Variants in PPP4R3B observed in about 807,000 individuals in gnomAD.
The protein encoded by PPP4R3B is serine/threonine-protein phosphatase 4 regulatory subunit 3B.
A neutral mutation model predicts 95.4 loss-of-function variants in PPP4R3B; 52 were observed. The observed-to-expected ratio is 0.54, with a 90% confidence interval of 0.44 to 0.69. PPP4R3B has a LOEUF of 0.69. PPP4R3B is among the 30% of genes least tolerant of loss of function. The pLI is 0.00. For missense variants in PPP4R3B, 1,003 were observed against 1,005.9 expected (o/e 1.00, Z 0.04); for synonymous variants, 407 against 343.9 (o/e 1.18, Z -2.03).
In PPP4R3B at chr2:55,551,610, G is replaced by A. The variant is rs1310274917; in HGVS notation, c.2455-1604C>T. 2.0e-5 allele frequency among the ~76,000 whole-genome samples: 3 copies of A among 152,046 alleles called. No homozygotes were observed. In the East Asian group the frequency reaches 5.8e-4, roughly 29 times the overall value. On this transcript the variant is annotated intron_variant, in intron 16 of 16. Transcript: ENST00000616407. ...TACTAAAAATAAAAAAATTAGCCAGGAGTGGTGGCGCATGCCTGTAATCCC... is the reference window on the plus strand; with the variant it reads ...TACTAAAAATAAAAAAATTAGCCAGAAGTGGTGGCGCATGCCTGTAATCCC...
chr2:55,551,668 T>C (rs1023708948), intron 16 of PPP4R3B, among the ~76,000 whole-genome samples: 1 of 151,428 alleles, frequency 6.6e-6, no homozygotes, highest in African/African-American at 2.4e-5. Flanking sequence ...GGAGAATTGC[T>C]TGAACCCGGG....
At position 55,597,419 on chromosome 2, in the gene PPP4R3B, G is replaced by A. The variant is rs573874155; in HGVS notation, c.921+997C>T. 4.0e-3 allele frequency among the ~76,000 whole-genome samples: 603 copies of A among 152,084 alleles called. 3 individuals are homozygous for A. The highest frequency in any genetic ancestry group is 6.2e-3 in the Non-Finnish European group (422 of 67,964). On this transcript the variant is annotated intron_variant, in intron 4 of 16. Transcript: ENST00000616407. ...GGGTGGATCACAAGGTCAGGAGATC[G>A]AGACCATCCTGGCTAAAATGGTGAA...
chr2:55,584,974 T>C (rs770842941), intron 7 of PPP4R3B, 77 bp downstream of exon 7: 9 of 1,073,570 alleles, frequency 8.4e-6, no homozygotes, highest in African/African-American at 4.9e-5. Flanking sequence ...GATTATGTTA[T>C]GTTTTTTCTC....
At chr2:55,555,519 GC>G (rs1003768349) in intron 16 of PPP4R3B, among the ~76,000 whole-genome samples, 2 of 151,860 alleles carry the variant, frequency 1.3e-5, no homozygotes, top group Admixed American at 1.3e-4. Context: ...TTCCTGACGA[GC>G]CTGGCCAACA....
At chr2:55,575,976 A>G (rs562204189) in intron 11 of PPP4R3B, among the ~76,000 whole-genome samples, 1 of 152,348 alleles carries the variant, frequency 6.6e-6, no homozygotes, top group African/African-American at 2.4e-5. Flanking sequence ...ATGCAAGTAA[A>G]GAGTTTCACT....
At chr2:55,588,500 C>T (rs369936736) in intron 5 of PPP4R3B, among the ~76,000 whole-genome samples, 5 of 139,104 alleles carry the variant, frequency 3.6e-5, no homozygotes, top group African/African-American at 5.3e-5. Flanking sequence ...GCAACAAGAG[C>T]GAAACTCCAT....
At chr2:55,563,018 T>C (rs1261965507) in intron 15 of PPP4R3B, among the ~76,000 whole-genome samples, 1 of 152,240 alleles carries the variant, frequency 6.6e-6, no homozygotes, top group Non-Finnish European at 1.5e-5. Flanking sequence ...CTGGTTATTA[T>C]TTTTATATAT....
At chr2:55,553,925 T>A (rs1418226946) in intron 16 of PPP4R3B, among the ~76,000 whole-genome samples, 1 of 152,164 alleles carries the variant, frequency 6.6e-6, no homozygotes, top group Admixed American at 6.5e-5. Flanking sequence ...ATATACAAGT[T>A]TTACAGTGGA....
At chr2:55,588,111 G>A (rs553590543) in intron 5 of PPP4R3B, among the ~76,000 whole-genome samples, 7 of 151,996 alleles carry the variant, frequency 4.6e-5, no homozygotes, top group African/African-American at 1.4e-4. Context: ...CCTCAAAATG[G>A]TTTATATCTC....
At chr2:55,615,182 A>G in intron 2 of PPP4R3B, 1 of 369,052 alleles carries the variant, frequency 2.7e-6, no homozygotes, top group East Asian at 6.7e-5. Context: ...TGTACAAGGT[A>G]TAGAAGAGAC....
At chr2:55,563,076 T>C (rs1462587951) in intron 15 of PPP4R3B, among the ~76,000 whole-genome samples, 3 of 152,220 alleles carry the variant, frequency 2.0e-5, no homozygotes, top group African/African-American at 4.8e-5. Context: ...ACTTCAAATA[T>C]GGCTGTACTG....
chr2:55,606,130 T>A (rs1693356700), intron 2 of PPP4R3B, among the ~76,000 whole-genome samples: 1 of 152,148 alleles, frequency 6.6e-6, no homozygotes, highest in South Asian at 2.1e-4. Context: ...AGAGCCTTCC[T>A]CAAAATAGCT....
intron 5 of PPP4R3B, 135 bp downstream of exon 5, chr2:55,588,744 T>G (rs1298751561): frequency 3.6e-6 from 2 of 548,232 alleles, no homozygotes; most frequent in Non-Finnish European, 6.5e-6. Flanking sequence ...ATTTCATAGT[T>G]CAATTTAAAT....
In PPP4R3B at chr2:55,581,715, A is replaced by C; in HGVS notation, c.1234-17T>G. The C allele has an allele frequency of 6.2e-7, 1 of 1,607,562 alleles. No homozygotes were observed. The highest frequency in any genetic ancestry group is 1.1e-5 in the South Asian group (1 of 90,040). ...AAGAATATCCTGGTGGCAAAACAAA[A>C]CAAAACAAAACATGTTTCCATTAGA... On this transcript the variant is annotated splice_polypyrimidine_tract_variant and intron_variant, in intron 7 of 16. Coordinates refer to ENST00000616407, the MANE Select transcript of PPP4R3B (RefSeq NM_001122964.3).
chr2:55,608,178 T>C (rs886446039), intron 2 of PPP4R3B, among the ~76,000 whole-genome samples: 4 of 152,208 alleles, frequency 2.6e-5, no homozygotes, highest in Admixed American at 6.5e-5. Flanking sequence ...TTAATTTTTG[T>C]ATTTTTAGTA....
At chr2:55,561,928 T>C (rs1170056755) in intron 15 of PPP4R3B, among the ~76,000 whole-genome samples, 2 of 152,144 alleles carry the variant, frequency 1.3e-5, no homozygotes, top group Non-Finnish European at 2.9e-5. Flanking sequence ...GAAGGCATGA[T>C]TGGTTTTGAA....
rs986095017 is a variant in PPP4R3B, at chr2:55,617,397, T to C, written c.-112A>G. On this transcript the variant is annotated 5_prime_UTR_variant, in exon 1 of 17. Transcript: ENST00000616407. ...AGTGGCGGTGGCGGCGGCGGCGGCT[T>C]CGGAGAGGCCCGAATTCACCATGGC... is the stretch of plus-strand genomic sequence containing the variant. 1.2e-5 allele frequency: 15 copies of C among 1,274,750 alleles called. No homozygotes were observed. The highest frequency in any genetic ancestry group is 6.5e-5 in the Admixed American group (2 of 30,668). 79.0% of individuals were successfully genotyped at this position (1,274,750 alleles called of 1,614,324 possible). A position where few individuals can be genotyped will look rare whatever the true frequency, so the allele number is the denominator to read the frequency against.
At position 55,569,209 on chromosome 2, in the gene PPP4R3B, G is replaced by A. The variant is rs563650838; in HGVS notation, c.1766-846C>T. ...CCACCAGAGGGCTCCTTGGTCTAGC[G>A]GTAACACCAGCGTCTGGGAAGATGC... On this transcript the variant is annotated intron_variant, in intron 12 of 16. Transcript: ENST00000616407. Among the ~76,000 whole-genome samples, 93 of 152,218 alleles carry A rather than the reference G, an allele frequency of 6.1e-4. 1 individual carries two copies. Among genetic ancestry groups the A allele is most frequent in the African/African-American group, 1.7e-3 (71 of 41,544 alleles).
At chr2:55,581,758 A>AC in intron 7 of PPP4R3B, 60 bp from the exon 8 acceptor site, 1 of 1,545,650 alleles carries the variant, frequency 6.5e-7, no homozygotes, top group South Asian at 1.2e-5. Flanking sequence ...TAGATCTAAG[A>AC]CAAAAACACC....
Sources: allele counts gnomAD v4.1 joint callset (sites outside exome capture counted in the v4.1 genomes callset), GRCh38; gene constraint gnomAD v4.1.1; transcripts MANE v1.5; gene names NCBI Gene and HGNC (gene_info 2026-07-23, HGNC 2026-07-21).